The following ATP8A1 variants were observed in gnomAD, a reference collection of about 807,000 sequenced individuals.
ATP8A1 encodes the protein phospholipid-transporting ATPase IA.
A neutral mutation model predicts 177.7 loss-of-function variants in ATP8A1; 90 were observed. The observed-to-expected ratio is 0.51, with a 90% confidence interval of 0.43 to 0.60. The LOEUF is 0.60. Among genes scored for constraint, ATP8A1 ranks in the 20% least tolerant of loss-of-function variants. The probability of loss-of-function intolerance (pLI) is 0.00; values close to 1 mark genes in which losing one functional copy is unlikely to be tolerated. For synonymous variants in ATP8A1, 493 were observed against 485.9 expected (o/e 1.01, Z -0.19); for missense variants, 1,072 against 1,392.8 (o/e 0.77, Z 3.67).
At chr4:42,528,026 T>C (rs776715238) in intron 20 of ATP8A1, among the ~76,000 whole-genome samples, 10 of 152,158 alleles carry the variant, frequency 6.6e-5, no homozygotes, top group Admixed American at 1.3e-4. Flanking sequence ...ACACTGGCTC[T>C]GAGCTGGTGA....
intron 22 of ATP8A1, among the ~76,000 whole-genome samples, chr4:42,517,028 C>T (rs1044219497): frequency 1.1e-4 from 16 of 152,066 alleles, no homozygotes; most frequent in African/African-American, 2.2e-4. Context: ...AGGCCAGGCA[C>T]GGTGGCTCAG....
In ATP8A1 at chr4:42,455,317, C is replaced by A. The variant is rs950046694; in HGVS notation, c.2797G>T (p.Ala933Ser). The A allele has an allele frequency of 6.2e-7, 1 of 1,613,632 alleles. No individual in the cohort carries two copies. Among genetic ancestry groups the A allele is most frequent in the Non-Finnish European group, 8.5e-7 (1 of 1,179,722 alleles). ...YPELYKTSQN[A>S]LDFNTKVFWV... ...CCTACCTTGGTGTTGAAGTCCAGGG[C>A]ATTCTGAGATGTTTTGTATAATTCA... Residue 933 changes from alanine (A) to serine (S), a missense_variant, in exon 29 of 37, where the codon GCC becomes TCC. This residue lies in a region of ATP8A1 where 316 missense variants were observed against 459.1 expected (regional missense o/e 0.69). Transcript: ENST00000381668.
intron 5 of ATP8A1, among the ~76,000 whole-genome samples, chr4:42,607,557 A>T (rs1412812483): frequency 1.3e-5 from 2 of 152,186 alleles, no homozygotes; most frequent in Non-Finnish European, 2.9e-5. Context: ...GAAAGCAAGA[A>T]ACAATGCCCA....
At chr4:42,617,233 C>T (rs7680154) in intron 4 of ATP8A1, among the ~76,000 whole-genome samples, 34,343 of 152,062 alleles carry the variant, frequency 0.23, 4,331 homozygotes, top group Non-Finnish European at 0.29. Context: ...TACACTCAGT[C>T]TGTGGAAACA....
intron 22 of ATP8A1, among the ~76,000 whole-genome samples, chr4:42,509,416 C>T (rs1479617059): frequency 6.6e-6 from 1 of 152,186 alleles, no homozygotes; most frequent in African/African-American, 2.4e-5. Context: ...GGCAACAGTC[C>T]CCGCTATAGC....
intron 27 of ATP8A1, among the ~76,000 whole-genome samples, chr4:42,457,893 C>A (rs185698977): frequency 1.6e-4 from 24 of 152,214 alleles, no homozygotes; most frequent in Admixed American, 1.2e-3. Context: ...GGAAAGGTAT[C>A]AACACATTTT....
Position 42,594,241 on chromosome 4 carries a change from T to C in ATP8A1, c.451-3357A>G, listed in dbSNP as rs1414628773. 5.4e-6 allele frequency: 6 copies of C among 1,101,394 alleles called. No individual in the cohort carries two copies. In the African/African-American group the frequency reaches 7.8e-5, roughly 14 times the overall value. The allele number at this position is 1,101,394 out of a possible 1,614,324, so 68.2% of individuals were successfully genotyped here. A position where few individuals can be genotyped will look rare whatever the true frequency, so the allele number is the denominator to read the frequency against. ...GAGAAATCACAAGGTCAATGCAGGG[T>C]AGAGAAACCATCCTCTACACTGTTT... On this transcript the variant is annotated intron_variant, in intron 6 of 36. Transcript: ENST00000381668.
At chr4:42,589,298 ATAAG>A (rs1733927823) in intron 7 of ATP8A1, among the ~76,000 whole-genome samples, 1 of 152,242 alleles carries the variant, frequency 6.6e-6, no homozygotes. Context: ...CTAATATCAC[ATAAG>A]TATTATAAAT....
intron 25 of ATP8A1, among the ~76,000 whole-genome samples, chr4:42,484,170 T>C (rs1254500837): frequency 6.6e-6 from 1 of 152,210 alleles, no homozygotes; most frequent in Non-Finnish European, 1.5e-5. Context: ...TCCAGCAAAA[T>C]CACTGTAAAA....
intron 5 of ATP8A1, 44 bp from the exon 6 acceptor site, chr4:42,600,562 T>C (rs377533010): frequency 3.2e-6 from 5 of 1,562,892 alleles, no homozygotes; most frequent in South Asian, 1.2e-5. Context: ...TGTTTTACTA[T>C]GAAAAGGCCA....
At chr4:42,544,484 T>A (rs1272467186) in intron 19 of ATP8A1, among the ~76,000 whole-genome samples, 1 of 152,236 alleles carries the variant, frequency 6.6e-6, no homozygotes. Flanking sequence ...TTTTCAATGA[T>A]GACTAGCAAA....
At position 42,625,677 on chromosome 4, in the gene ATP8A1, T is replaced by A; in HGVS notation, c.201A>T (p.Arg67Ser). The A allele has an allele frequency of 1.2e-6, 2 of 1,608,496 alleles. No homozygotes were observed. Among genetic ancestry groups the A allele is most frequent in the South Asian group, 1.1e-5 (1 of 89,714 alleles). ...CTCTTCTGAACTGAGAGTAGAGAAATCTTGGAAGGAATGTGATTATGTTGT... is the reference window on the plus strand; with the variant it reads ...CTCTTCTGAACTGAGAGTAGAGAAAACTTGGAAGGAATGTGATTATGTTGT... ...AKYNIITFLP[R>S]FLYSQFRRAA... Residue 67 changes from arginine to serine, a missense_variant, in exon 3 of 37, where the codon AGA becomes AGT. By Grantham distance (110) the Arg-to-Ser change is moderately radical. Coordinates refer to ENST00000381668, the MANE Select transcript of ATP8A1 (RefSeq NM_006095.2).
intron 14 of ATP8A1, 71 bp from the exon 15 acceptor site, chr4:42,569,276 C>A: frequency 8.2e-7 from 1 of 1,219,806 alleles, no homozygotes; most frequent in Non-Finnish European, 1.2e-6. Flanking sequence ...CATAAAACCA[C>A]GAAGAAGGGA....
In ATP8A1 at chr4:42,551,272, C is replaced by T. The variant is rs1361854427; in HGVS notation, c.1528G>A (p.Ala510Thr). The T allele has an allele frequency of 6.2e-7, 1 of 1,613,340 alleles. No homozygotes were observed. The highest frequency in any genetic ancestry group is 1.7e-5 in the Admixed American group (1 of 60,018). The change falls in exon 18 of 37, where the codon GCA (alanine) becomes ACA (threonine). Residue 510 changes from alanine (A) to threonine (T), a missense_variant. By Grantham distance (58) the Ala-to-Thr change is moderately conservative (BLOSUM62 0). Around this residue, in one of 5 missense-constraint regions of ATP8A1, gnomAD observed 388 missense variants for 471.7 expected, o/e 0.82. Coordinates refer to ENST00000381668, the MANE Select transcript of ATP8A1 (RefSeq NM_006095.2). ...IYQAASPDEG[A>T]LVRAAKQLNF... The stretch of plus-strand genomic sequence containing the variant: ...AATTGCTTGGCTGCTCTGACCAATG[C>T]TCCCTCATCTGTTTTAGAAAAAGAG...
At chr4:42,614,883 G>A (rs1012093005) in intron 5 of ATP8A1, among the ~76,000 whole-genome samples, 1 of 152,012 alleles carries the variant, frequency 6.6e-6, no homozygotes, top group African/African-American at 2.4e-5. Context: ...TTCATCCAAT[G>A]TCCTCCTAAA....
intron 22 of ATP8A1, among the ~76,000 whole-genome samples, chr4:42,507,729 C>CAAAAAAAAAAA (rs34269384): frequency 3.4e-4 from 3 of 8,910 alleles, no homozygotes; most frequent in Non-Finnish European, 7.7e-4. Flanking sequence ...GACTCCATCT[C>CAAAAAAAAAAA]AAAAAAAAAA....
At chr4:42,585,964 G>A (rs1377425657) in intron 9 of ATP8A1, among the ~76,000 whole-genome samples, 2 of 152,190 alleles carry the variant, frequency 1.3e-5, no homozygotes, top group Admixed American at 1.3e-4. Flanking sequence ...AGCATCTCAA[G>A]ATCACAGGAA....
chr4:42,444,771 C>T (rs1717027643), intron 31 of ATP8A1, 137 bp from the exon 32 acceptor site: 1 of 867,196 alleles, frequency 1.2e-6, no homozygotes, highest in East Asian at 2.7e-5. Context: ...GTATATCCAA[C>T]CAGCAAAGAG....
At chr4:42,633,986 C>T (rs1351429160) in intron 1 of ATP8A1, among the ~76,000 whole-genome samples, 2 of 152,148 alleles carry the variant, frequency 1.3e-5, no homozygotes, top group Non-Finnish European at 2.9e-5. Flanking sequence ...TAACAGTAAA[C>T]AGAGCATAAA....
Sources: allele counts gnomAD v4.1 joint callset (sites outside exome capture counted in the v4.1 genomes callset), GRCh38; gene constraint gnomAD v4.1.1; regional missense constraint gnomAD v4.1.1; transcripts MANE v1.5; gene names NCBI Gene and HGNC (gene_info 2026-07-23, HGNC 2026-07-21).